The following TANGO6 variants were observed in gnomAD, a reference collection of about 807,000 sequenced individuals.
TANGO6 encodes the protein transport and golgi organization 6 homolog, also known as transport and Golgi organization protein 6 homolog.
A neutral mutation model predicts 114.2 loss-of-function variants in TANGO6; 90 were observed. The ratio of observed to expected loss-of-function variants is 0.79; its 90% CI spans 0.66 to 0.94. TANGO6 has a LOEUF of 0.94. Among genes scored for constraint, TANGO6 ranks in the 40% least tolerant of loss-of-function variants. The pLI is 0.00. For synonymous variants in TANGO6, 477 were observed against 509.8 expected (o/e 0.94, Z 0.87); for missense variants, 1,274 against 1,315.3 (o/e 0.97, Z 0.49).
chr16:69,045,156 CAAA>C (rs34165608), intron 17 of TANGO6, among the ~76,000 whole-genome samples: 8 of 88,380 alleles, frequency 9.1e-5, no homozygotes, highest in Non-Finnish European at 8.4e-5. Context: ...ACTCTTGTCT[CAAA>C]AAAAAAAAAA....
intron 15 of TANGO6, among the ~76,000 whole-genome samples, chr16:68,980,388 T>C (rs959190713): frequency 1.9e-5 from 1 of 52,330 alleles, no homozygotes; most frequent in South Asian, 6.2e-4. Context: ...TGTCATTCTC[T>C]CTCTCTCTCT....
intron 7 of TANGO6, among the ~76,000 whole-genome samples, chr16:68,891,601 CTT>C (rs1962622627): frequency 6.6e-6 from 1 of 152,016 alleles, no homozygotes; most frequent in East Asian, 1.9e-4. Flanking sequence ...TTTTCTTTCT[CTT>C]TTAAATTTCT....
chr16:68,973,576 G>A (rs1003416434), intron 14 of TANGO6, among the ~76,000 whole-genome samples: 5 of 152,268 alleles, frequency 3.3e-5, no homozygotes, highest in Admixed American at 6.5e-5. Context: ...TCCTACGAAG[G>A]GGGGACTCAG....
At chr16:68,910,468 C>A (rs1292935205) in intron 11 of TANGO6, among the ~76,000 whole-genome samples, 1 of 152,116 alleles carries the variant, frequency 6.6e-6, no homozygotes, top group Non-Finnish European at 1.5e-5. Flanking sequence ...GGGAAATGGT[C>A]TAAAAATTGA....
intron 12 of TANGO6, among the ~76,000 whole-genome samples, chr16:68,923,523 T>C (rs976226188): frequency 6.6e-6 from 1 of 152,166 alleles, no homozygotes; most frequent in African/African-American, 2.4e-5. Flanking sequence ...ATGCTGTCCT[T>C]TCTCTTCTTC....
chr16:69,032,158 C>T (rs900335573), intron 16 of TANGO6, among the ~76,000 whole-genome samples: 2 of 152,084 alleles, frequency 1.3e-5, no homozygotes, highest in African/African-American at 4.8e-5. Context: ...AGTGGCCAGT[C>T]CCAGTGGAGC....
At chr16:69,006,996 G>A (rs1383769493) in intron 15 of TANGO6, 1 of 152,050 alleles carries the variant, frequency 6.6e-6, no homozygotes, top group Non-Finnish European at 1.5e-5. Context: ...TCATATAAAC[G>A]AAATACACCA....
intron 14 of TANGO6, among the ~76,000 whole-genome samples, chr16:68,943,019 G>A (rs942892095): frequency 1.3e-5 from 2 of 149,796 alleles, no homozygotes; most frequent in Non-Finnish European, 3.0e-5. Flanking sequence ...TCCCACCTTA[G>A]ACTCCCGAGT....
intron 1 of TANGO6, among the ~76,000 whole-genome samples, chr16:68,856,143 G>A (rs1961987866): frequency 6.6e-6 from 1 of 152,106 alleles, no homozygotes; most frequent in African/African-American, 2.4e-5. Context: ...CTATTTCAAT[G>A]ACAAAGATTT....
chr16:68,984,063 G>A (rs781259804), intron 15 of TANGO6, among the ~76,000 whole-genome samples: 2 of 151,394 alleles, frequency 1.3e-5, no homozygotes, highest in Non-Finnish European at 2.9e-5. Flanking sequence ...AAGAAAAATA[G>A]CTTTTGTATG....
intron 14 of TANGO6, among the ~76,000 whole-genome samples, chr16:68,956,726 A>C (rs900077343): frequency 3.3e-5 from 5 of 151,920 alleles, no homozygotes; most frequent in Non-Finnish European, 7.4e-5. Flanking sequence ...GGTGGCAGGC[A>C]CCTGTAATCC....
intron 17 of TANGO6, among the ~76,000 whole-genome samples, chr16:69,054,958 A>C (rs910115803): frequency 6.6e-6 from 1 of 151,654 alleles, no homozygotes; most frequent in Non-Finnish European, 1.5e-5. Context: ...AAAAAAAAAA[A>C]AAAAAACTTC....
intron 1 of TANGO6, among the ~76,000 whole-genome samples, chr16:68,844,751 T>G (rs1473670457): frequency 6.6e-6 from 1 of 152,126 alleles, no homozygotes; most frequent in Non-Finnish European, 1.5e-5. Context: ...TCCCCTGGGA[T>G]CGGTACTACT....
intron 14 of TANGO6, among the ~76,000 whole-genome samples, chr16:68,947,488 A>G (rs577940591): frequency 5.7e-4 from 87 of 152,200 alleles, no homozygotes; most frequent in African/African-American, 2.1e-3. Context: ...ATGATTGTCA[A>G]TAATATTTAT....
At chr16:68,843,845 T>A in intron 1 of TANGO6, 134 bp downstream of exon 1, 1 of 813,870 alleles carries the variant, frequency 1.2e-6, no homozygotes, top group Non-Finnish European at 2.0e-6. Flanking sequence ...CTGGGGGCTT[T>A]GAGCATTGTC....
chr16:68,847,790 A>G (rs1400151259), intron 1 of TANGO6, among the ~76,000 whole-genome samples: 3 of 152,128 alleles, frequency 2.0e-5, no homozygotes, highest in African/African-American at 7.2e-5. Context: ...TCCCGAGGTC[A>G]GGAGTTCGAG....
At chr16:68,945,584 G>A (rs1396625740) in intron 14 of TANGO6, among the ~76,000 whole-genome samples, 1 of 152,080 alleles carries the variant, frequency 6.6e-6, no homozygotes, top group African/African-American at 2.4e-5. Flanking sequence ...ATCTCATTGT[G>A]ATTTGATTTG....
intron 16 of TANGO6, among the ~76,000 whole-genome samples, chr16:69,030,262 C>G (rs1411866793): frequency 6.6e-6 from 1 of 151,958 alleles, no homozygotes; most frequent in East Asian, 2.0e-4. Context: ...CATGGGTAAT[C>G]TGGTGGACAC....
chr16:69,069,238 GCTC>G (rs2152242532), intron 17 of TANGO6, among the ~76,000 whole-genome samples: 1 of 152,272 alleles, frequency 6.6e-6, no homozygotes, highest in East Asian at 1.9e-4. Context: ...CAGGGTGTGA[GCTC>G]CTGGGTGTGG....
Sources: allele counts gnomAD v4.1 joint callset (sites outside exome capture counted in the v4.1 genomes callset), GRCh38; gene constraint gnomAD v4.1.1; transcripts MANE v1.5; gene names NCBI Gene and HGNC (gene_info 2026-07-23, HGNC 2026-07-21).